Variants in PTPRD observed in about 807,000 individuals in gnomAD.
The protein encoded by PTPRD is protein tyrosine phosphatase receptor type D, also known as receptor-type tyrosine-protein phosphatase delta.
In PTPRD, 34 loss-of-function variants were observed where a neutral mutation model predicts 214.5. That is an observed-to-expected ratio of 0.16 (90% CI 0.12 to 0.21). The LOEUF (loss-of-function observed/expected upper bound fraction) is 0.21, where lower values mean the gene tolerates loss of function less well. Ranked by LOEUF, PTPRD falls within the 10% of genes least tolerant of loss-of-function variation. The pLI is 1.00. For missense variants in PTPRD, 2,545 were observed against 2,398.7 expected, an observed-to-expected ratio of 1.06 and a Z score of -1.27; for synonymous variants, 1,128 against 845.7, an observed-to-expected ratio of 1.33 and a Z score of -5.79.
At chr9:10,369,661 C>G (rs2097575392) in intron 2 of PTPRD, among the ~76,000 whole-genome samples, 1 of 152,086 alleles carries the variant, frequency 6.6e-6, no homozygotes, top group Admixed American at 6.6e-5. Flanking sequence ...TAATTGCTGA[C>G]TGCTGCCTAG....
chr9:10,264,405 C>A (rs1036991431), intron 3 of PTPRD, among the ~76,000 whole-genome samples: 12 of 152,172 alleles, frequency 7.9e-5, no homozygotes, highest in Non-Finnish European at 7.3e-5. Context: ...ACCATGGGAA[C>A]CCACCTCTTG....
rs1484530276 is a variant in PTPRD at position 10,320,926 on chromosome 9, C to T, written c.-545+20037G>A. ...TGGTTTTTGTAGAAACAGGGTTTTTCCATGTTGCCGAGGCTGGTCTCGAAC... is the reference window on the plus strand; with the variant it reads ...TGGTTTTTGTAGAAACAGGGTTTTTTCATGTTGCCGAGGCTGGTCTCGAAC... On this transcript the variant is annotated intron_variant, in intron 3 of 45. Transcript: ENST00000381196. 2.0e-5 allele frequency among the ~76,000 whole-genome samples: 3 copies of T among 151,848 alleles called. No homozygotes were observed. The East Asian group carries it at 5.9e-4, about 30-fold the overall frequency.
intron 2 of PTPRD, among the ~76,000 whole-genome samples, chr9:10,360,146 A>G (rs2097350521): frequency 6.6e-6 from 1 of 152,226 alleles, no homozygotes; most frequent in Non-Finnish European, 1.5e-5. Context: ...TTTATGTGAT[A>G]CATAGTAATA....
At chr9:9,953,016 T>C (rs770691906) in intron 4 of PTPRD, among the ~76,000 whole-genome samples, 60 of 152,174 alleles carry the variant, frequency 3.9e-4, no homozygotes, top group Non-Finnish European at 7.3e-4. Flanking sequence ...TATGCAAGAA[T>C]GAATTTTAGG....
rs554125319 is a variant in PTPRD at position 9,183,033 on chromosome 9, C to T, written c.-143+271G>A. ...TAACCGATTGTTAGATTTCCCCCCA[C>T]GTTCAGGCCTAACATCATATATAAT... On this transcript the variant is annotated intron_variant, in intron 10 of 45. Coordinates refer to ENST00000381196, the MANE Select transcript of PTPRD (RefSeq NM_002839.4). Among the ~76,000 whole-genome samples the T allele has an allele frequency of 4.7e-4, 72 of 152,060 alleles. 1 individual carries two copies. Among genetic ancestry groups the T allele is most frequent in the Admixed American group, 3.2e-3 (49 of 15,216 alleles).
intron 10 of PTPRD, among the ~76,000 whole-genome samples, chr9:9,157,705 C>A (rs563897608): frequency 9.9e-5 from 15 of 151,794 alleles, no homozygotes; most frequent in African/African-American, 3.4e-4. Flanking sequence ...CTTCCCTTTT[C>A]TTTTTTTTTC....
intron 9 of PTPRD, among the ~76,000 whole-genome samples, chr9:9,370,774 G>C (rs947022230): frequency 2.6e-5 from 4 of 152,066 alleles, no homozygotes; most frequent in Non-Finnish European, 5.9e-5. Context: ...TTATTATTTT[G>C]AGATACGTCC....
intron 8 of PTPRD, among the ~76,000 whole-genome samples, chr9:9,428,584 A>C (rs2081922729): frequency 6.6e-6 from 1 of 152,194 alleles, no homozygotes. Flanking sequence ...CTCCACCCCA[A>C]ATCAACAGAA....
chr9:10,115,642 A>AG lies in PTPRD; in HGVS notation c.-544-81853dup, dbSNP rs529464751. Among the ~76,000 whole-genome samples the AG allele has an allele frequency of 1.0e-3, 118 of 113,334 alleles. 1 individual carries two copies. The highest frequency in any genetic ancestry group is 3.0e-3 in the African/African-American group (105 of 35,232). The allele number at this position is 113,334 out of a possible 152,430, so 74.4% of individuals were successfully genotyped here. On this transcript the variant is annotated intron_variant, in intron 3 of 45. Coordinates refer to ENST00000381196, the MANE Select transcript of PTPRD (RefSeq NM_002839.4). The stretch of plus-strand genomic sequence containing the variant: ...AAATTATATTTGTTAAAACTTTACA[A>AG]GTTTTTTTTTCTTTCTGTTCCCCAC...
chr9:9,565,322 T>C (rs1384416844), intron 8 of PTPRD, among the ~76,000 whole-genome samples: 3 of 152,054 alleles, frequency 2.0e-5, no homozygotes, highest in South Asian at 4.1e-4. Flanking sequence ...TTAACATTTA[T>C]AGACTATGTA....
intron 9 of PTPRD, among the ~76,000 whole-genome samples, chr9:9,392,231 C>T (rs918909995): frequency 2.0e-5 from 3 of 152,122 alleles, no homozygotes; most frequent in African/African-American, 4.8e-5. Flanking sequence ...CAGTGTAAAG[C>T]TCTTAGTAAG....
intron 3 of PTPRD, among the ~76,000 whole-genome samples, chr9:10,256,555 C>T (rs1036585838): frequency 6.6e-6 from 1 of 152,126 alleles, no homozygotes; most frequent in African/African-American, 2.4e-5. Flanking sequence ...TGGCACTTAA[C>T]TGTAATTTTG....
chr9:10,180,629 G>T (rs1593314487), intron 3 of PTPRD, among the ~76,000 whole-genome samples: 1 of 148,464 alleles, frequency 6.7e-6, no homozygotes, highest in African/African-American at 2.5e-5. Flanking sequence ...AAAACTCATG[G>T]GCTAATTTAC....
intron 9 of PTPRD, among the ~76,000 whole-genome samples, chr9:9,351,033 C>A (rs2050892290): frequency 6.6e-6 from 1 of 151,944 alleles, no homozygotes; most frequent in Non-Finnish European, 1.5e-5. Flanking sequence ...CACTGGTACC[C>A]TGAAGTCAAG....
At chr9:9,924,021 C>G (rs746047980) in intron 5 of PTPRD, among the ~76,000 whole-genome samples, 7 of 151,932 alleles carry the variant, frequency 4.6e-5, no homozygotes, top group Non-Finnish European at 7.4e-5. Context: ...AATTTGAAAT[C>G]ATCACTAACA....
At chr9:10,076,420 T>C (rs939262525) in intron 3 of PTPRD, among the ~76,000 whole-genome samples, 3 of 152,120 alleles carry the variant, frequency 2.0e-5, no homozygotes, top group Non-Finnish European at 2.9e-5. Context: ...GGAAACTGTG[T>C]TACTAGGCAT....
chr9:9,966,211 C>G (rs192303886), intron 4 of PTPRD, among the ~76,000 whole-genome samples: 1 of 152,036 alleles, frequency 6.6e-6, no homozygotes, highest in African/African-American at 2.4e-5. Context: ...GGCTATTTTT[C>G]GCAACACAAG....
chr9:9,945,663 G>C (rs1436238533), intron 4 of PTPRD, among the ~76,000 whole-genome samples: 2 of 152,048 alleles, frequency 1.3e-5, no homozygotes, highest in East Asian at 3.9e-4. Context: ...GGAGGATGCT[G>C]GATTGTAATC....
chr9:9,821,207 C>A (rs1460392117), intron 5 of PTPRD, among the ~76,000 whole-genome samples: 1 of 152,068 alleles, frequency 6.6e-6, no homozygotes, highest in Non-Finnish European at 1.5e-5. Context: ...TGATTTGGCT[C>A]TCAACTTGAA....
Sources: gnomAD v4.1 joint callset for allele counts (sites outside exome capture counted in the v4.1 genomes callset) on GRCh38, gnomAD v4.1.1 for gene constraint, MANE v1.5 for transcripts, NCBI Gene and HGNC (gene_info 2026-07-23, HGNC 2026-07-21) for gene names.